Variants in PPP4R3A observed in about 807,000 individuals in gnomAD.
The protein encoded by PPP4R3A is protein phosphatase 4 regulatory subunit 3A, also known as serine/threonine-protein phosphatase 4 regulatory subunit 3A.
Under a neutral mutation model 91.7 loss-of-function variants are expected in PPP4R3A, and 15 were observed. That is an observed-to-expected ratio of 0.16 (90% CI 0.11 to 0.25). PPP4R3A has a LOEUF of 0.25. Among genes scored for constraint, PPP4R3A ranks in the 10% least tolerant of loss-of-function variants. The pLI, the probability that PPP4R3A is intolerant of heterozygous loss-of-function variation, is 1.00. For synonymous variants in PPP4R3A, 377 were observed against 348.7 expected (o/e 1.08, Z -0.91); for missense variants, 623 against 998.4 (o/e 0.62, Z 5.07).
At chr14:91,490,903 T>A (rs1181656062) in intron 1 of PPP4R3A, 101 bp from the exon 2 acceptor site, 20 of 425,080 alleles carry the variant, frequency 4.7e-5, no homozygotes, top group African/African-American at 3.9e-4. Flanking sequence ...AATAATAATT[T>A]TTTTTTTTTT....
intron 10 of PPP4R3A, 28 bp downstream of exon 10, chr14:91,470,809 A>G (rs997309267): frequency 2.5e-6 from 4 of 1,594,502 alleles, no homozygotes; most frequent in East Asian, 4.5e-5. Context: ...GTCAATATAC[A>G]AAGATGATAA....
At position 91,465,481 on chromosome 14, in the gene PPP4R3A, A is replaced by G. The variant is rs1347789186; in HGVS notation, c.1661-62T>C. On this transcript the variant is annotated intron_variant, in intron 10 of 14. Coordinates refer to ENST00000554943, the MANE Select transcript of PPP4R3A (RefSeq NM_001366432.2). Reference sequence around the variant, plus strand: ...CACTCTTCCATACTTTAGACTTACCAAACAAAAATAACCATCAAACCAAAA... The same window carrying G: ...CACTCTTCCATACTTTAGACTTACCGAACAAAAATAACCATCAAACCAAAA... The G allele has an allele frequency of 7.1e-6, 10 of 1,405,948 alleles. No homozygotes were observed. In the African/African-American group the frequency reaches 1.2e-4, roughly 16 times the overall value. The allele number at this position is 1,405,948 out of a possible 1,614,324, so 87.1% of individuals were successfully genotyped here.
At chr14:91,489,897 T>G (rs1044206403) in intron 2 of PPP4R3A, among the ~76,000 whole-genome samples, 1 of 152,240 alleles carries the variant, frequency 6.6e-6, no homozygotes, top group African/African-American at 2.4e-5. Flanking sequence ...CCACTATTTG[T>G]GTGGTCAAAC....
At chr14:91,507,418 TAA>T (rs1891409592) in intron 1 of PPP4R3A, among the ~76,000 whole-genome samples, 2 of 62,276 alleles carry the variant, frequency 3.2e-5, no homozygotes, top group Non-Finnish European at 6.8e-5. Context: ...ATATACTATA[TAA>T]TATATATACT....
chr14:91,476,451 G>C lies in PPP4R3A; in HGVS notation c.1067C>G (p.Thr356Ser). 6.2e-7 allele frequency: 1 copy of C among 1,612,192 alleles called. No homozygotes were observed. Among genetic ancestry groups the C allele is most frequent in the South Asian group, 1.1e-5 (1 of 90,420 alleles). Residue 356 changes from threonine to serine, a missense_variant, in exon 6 of 15, where the codon ACT becomes AGT. Thr to Ser is a moderately conservative substitution (Grantham distance 58). This residue lies in a region of PPP4R3A where 264 missense variants were observed against 377.3 expected (regional missense o/e 0.70). Coordinates refer to ENST00000554943, the MANE Select transcript of PPP4R3A (RefSeq NM_001366432.2). ...TGGTAATATGCCCATGTTTGACAAA[G>C]TCTTGAAAAAAGCATCTCTGTTTTG... is the stretch of plus-strand genomic sequence containing the variant. ...QPQNRDAFFK[T>S]LSNMGILPAL...
At position 91,465,303 on chromosome 14, in the gene PPP4R3A, G is replaced by A; in HGVS notation, c.1777C>T (p.Arg593Cys). The A allele has an allele frequency of 6.2e-7, 1 of 1,606,402 alleles. No individual in the cohort carries two copies. The highest frequency in any genetic ancestry group is 1.7e-4 in the Middle Eastern group (1 of 6,020). ...ATGGCAGAGTTCATCAGATTGTAGC[G>A]GGATCCATTGTTGAGAAATGCTTTC... is the stretch of plus-strand genomic sequence containing the variant. ...VVKAFLNNGS[R>C]YNLMNSAIIE... Residue 593 changes from arginine to cysteine, a missense_variant, in exon 11 of 15, where the codon CGC becomes TGC. Physicochemically the swap from Arg to Cys is radical, Grantham distance 180. Transcript: ENST00000554943.
intron 1 of PPP4R3A, among the ~76,000 whole-genome samples, chr14:91,505,775 A>G (rs10498627): frequency 0.42 from 63,576 of 152,006 alleles, 13,957 homozygotes; most frequent in Admixed American, 0.45. Context: ...TATTGGACAA[A>G]TGACTCAATT....
intron 13 of PPP4R3A, 155 bp from the exon 14 acceptor site, chr14:91,461,762 C>T: frequency 2.3e-6 from 2 of 861,116 alleles, no homozygotes; most frequent in Non-Finnish European, 1.7e-6. Flanking sequence ...ATACTAACCA[C>T]AATTCCATTC....
At chr14:91,465,990 T>C (rs1474951871) in intron 10 of PPP4R3A, among the ~76,000 whole-genome samples, 1 of 152,232 alleles carries the variant, frequency 6.6e-6, no homozygotes, top group East Asian at 1.9e-4. Context: ...ATTTAGAGGA[T>C]GTTATTTAAA....
chr14:91,466,495 A>G (rs769132785), intron 10 of PPP4R3A: 10 of 931,676 alleles, frequency 1.1e-5, no homozygotes, highest in Non-Finnish European at 1.2e-5. Context: ...TGAATGCCCA[A>G]TTAGGTACAG....
At chr14:91,473,722 AG>A (rs1407432626) in intron 7 of PPP4R3A, among the ~76,000 whole-genome samples, 1 of 152,226 alleles carries the variant, frequency 6.6e-6, no homozygotes, top group Non-Finnish European at 1.5e-5. Flanking sequence ...TTTAAGAGTA[AG>A]AATATTTAGG....
chr14:91,496,875 C>T (rs538587910), intron 1 of PPP4R3A, among the ~76,000 whole-genome samples: 40 of 152,254 alleles, frequency 2.6e-4, no homozygotes, highest in African/African-American at 8.7e-4. Context: ...CCCTCCATCA[C>T]CTAATAGGTT....
intron 2 of PPP4R3A, among the ~76,000 whole-genome samples, chr14:91,486,905 C>CAA (rs769201002): frequency 0.037 from 3,222 of 86,768 alleles, 107 homozygotes; most frequent in African/African-American, 0.089. Flanking sequence ...ACTCTGTCTC[C>CAA]AAAAAAAAAA....
intron 4 of PPP4R3A, among the ~76,000 whole-genome samples, chr14:91,477,767 G>A (rs1889298107): frequency 6.6e-6 from 1 of 152,182 alleles, no homozygotes; most frequent in African/African-American, 2.4e-5. Flanking sequence ...TCCTGTCTCA[G>A]TCTCCTTAGC....
At chr14:91,496,922 T>C (rs1890607821) in intron 1 of PPP4R3A, among the ~76,000 whole-genome samples, 1 of 147,406 alleles carries the variant, frequency 6.8e-6, no homozygotes. Flanking sequence ...ACCAATCAAC[T>C]ATAACAGATC....
At chr14:91,495,701 AC>A (rs1890519518) in intron 1 of PPP4R3A, among the ~76,000 whole-genome samples, 1 of 151,782 alleles carries the variant, frequency 6.6e-6, no homozygotes, top group South Asian at 2.1e-4. Context: ...TAAAAAAAAA[AC>A]AAAAAACAGG....
chr14:91,493,467 T>C (rs1264187982), intron 1 of PPP4R3A, among the ~76,000 whole-genome samples: 1 of 86,090 alleles, frequency 1.2e-5, no homozygotes, highest in East Asian at 2.1e-4. Context: ...CACTCTAGAC[T>C]GGGTTCTAGA....
chr14:91,493,006 G>A (rs773408062), intron 1 of PPP4R3A, among the ~76,000 whole-genome samples: 11 of 152,296 alleles, frequency 7.2e-5, no homozygotes, highest in South Asian at 2.1e-4. Context: ...TGGGAGGATC[G>A]CCTGAGGCCA....
chr14:91,462,501 CTT>C (rs10718143), intron 12 of PPP4R3A, among the ~76,000 whole-genome samples: 497 of 139,846 alleles, frequency 3.6e-3, no homozygotes, highest in South Asian at 4.7e-3. Flanking sequence ...ACTGTTTGGT[CTT>C]TTTTTTTTTT....
Sources: allele counts gnomAD v4.1 joint callset (sites outside exome capture counted in the v4.1 genomes callset), GRCh38; gene constraint gnomAD v4.1.1; regional missense constraint gnomAD v4.1.1; transcripts MANE v1.5; gene names NCBI Gene and HGNC (gene_info 2026-07-23, HGNC 2026-07-21).